NPSR1: variants seen among roughly 807,000 people sequenced by gnomAD.
The protein encoded by NPSR1 is neuropeptide S receptor 1, also known as neuropeptide S receptor.
In NPSR1, 48 loss-of-function variants were observed where a neutral mutation model predicts 46.9. The ratio of observed to expected loss-of-function variants is 1.02; its 90% CI spans 0.81 to 1.30. The LOEUF (loss-of-function observed/expected upper bound fraction) is 1.30, where lower values mean the gene tolerates loss of function less well. NPSR1 is among the 50% of genes most tolerant of loss of function. The pLI is 0.00. For missense variants in NPSR1, 450 were observed against 449.5 expected (o/e 1.00, Z -0.01); for synonymous variants, 176 against 168.1 (o/e 1.05, Z -0.36).
intron 1 of NPSR1, among the ~76,000 whole-genome samples, chr7:34,683,498 G>A (rs550430203): frequency 2.6e-5 from 4 of 151,722 alleles, no homozygotes; most frequent in East Asian, 1.9e-4. Context: ...TAGCATTCTC[G>A]CTTTTTTCTT....
intron 2 of NPSR1, chr7:34,719,755 C>T (rs770972992): frequency 5.9e-5 from 9 of 152,110 alleles, no homozygotes; most frequent in African/African-American, 1.7e-4. Context: ...ACTTCCAGTT[C>T]GAGACTCTGT....
At chr7:34,736,406 A>T (rs946085182) in intron 2 of NPSR1, among the ~76,000 whole-genome samples, 2 of 151,976 alleles carry the variant, frequency 1.3e-5, no homozygotes, top group Non-Finnish European at 2.9e-5. Flanking sequence ...TCATTTTTAT[A>T]AGTCTCTTTT....
intron 2 of NPSR1, chr7:34,723,293 G>A (rs1373462164): frequency 6.6e-6 from 1 of 152,578 alleles, no homozygotes; most frequent in East Asian, 1.9e-4. Flanking sequence ...CAATAGCAGA[G>A]TGATGTCCCA....
intron 8 of NPSR1, among the ~76,000 whole-genome samples, chr7:34,864,131 CAA>C (rs1388149368): frequency 2.6e-5 from 4 of 151,646 alleles, no homozygotes; most frequent in African/African-American, 9.8e-5. Flanking sequence ...AACAGAAAAC[CAA>C]ACACTGCATG....
At position 34,805,114 on chromosome 7, in the gene NPSR1, G is replaced by T. The variant is rs188935374; in HGVS notation, c.385-6656G>T. Among the ~76,000 whole-genome samples the T allele has an allele frequency of 2.3e-3, 350 of 152,002 alleles. 5 individuals are homozygous for T. Among genetic ancestry groups the T allele is most frequent in the Non-Finnish European group, 3.2e-3 (217 of 67,862 alleles). On this transcript the variant is annotated intron_variant, in intron 3 of 8. Transcript: ENST00000360581. ...TGTTAAGATGTCTATTCTGCCCAAC[G>T]TGATCTATAAATTCAATACAATTCC... is the stretch of plus-strand genomic sequence containing the variant.
At chr7:34,717,064 T>G (rs1177717726) in intron 2 of NPSR1, among the ~76,000 whole-genome samples, 1 of 152,354 alleles carries the variant, frequency 6.6e-6, no homozygotes, top group East Asian at 1.9e-4. Context: ...CCTAAAATTC[T>G]AGAAGATAGG....
intron 8 of NPSR1, among the ~76,000 whole-genome samples, chr7:34,872,336 G>A (rs985242512): frequency 3.3e-5 from 5 of 151,916 alleles, no homozygotes; most frequent in African/African-American, 1.2e-4. Flanking sequence ...TTTCTCCTAG[G>A]CCTTTGGACC....
intron 2 of NPSR1, among the ~76,000 whole-genome samples, chr7:34,714,171 T>G (rs749603221): frequency 1.3e-5 from 2 of 152,198 alleles, no homozygotes; most frequent in Non-Finnish European, 2.9e-5. Context: ...CTTGGGCCTC[T>G]CCAGAACTCC....
chr7:34,692,934 G>C (rs1173015631), intron 2 of NPSR1, among the ~76,000 whole-genome samples: 3 of 152,308 alleles, frequency 2.0e-5, no homozygotes, highest in Non-Finnish European at 4.4e-5. Flanking sequence ...ATCCCCCCGT[G>C]TTGGAGGTAG....
intron 3 of NPSR1, among the ~76,000 whole-genome samples, chr7:34,796,198 A>G (rs1225624690): frequency 3.3e-5 from 5 of 152,154 alleles, no homozygotes. Flanking sequence ...CACACGCCTA[A>G]TAATAAATCT....
chr7:34,869,099 G>C (rs1584159989), intron 8 of NPSR1, among the ~76,000 whole-genome samples: 1 of 151,628 alleles, frequency 6.6e-6, no homozygotes, highest in South Asian at 2.1e-4. Context: ...AAGGTTCTGG[G>C]GAAATGAGTC....
chr7:34,874,651 G>T (rs1791535627), intron 8 of NPSR1, among the ~76,000 whole-genome samples: 1 of 152,184 alleles, frequency 6.6e-6, no homozygotes, highest in Non-Finnish European at 1.5e-5. Flanking sequence ...GATCTTTGGA[G>T]CTTCTGGGTA....
At chr7:34,827,353 A>C in intron 4 of NPSR1, 48 bp from the exon 5 acceptor site, 2 of 1,567,728 alleles carry the variant, frequency 1.3e-6, no homozygotes, top group South Asian at 1.1e-5. Context: ...TTGTGCTCCC[A>C]AAAATGGTTG....
At chr7:34,827,643 C>CGGGGGGGGG in intron 5 of NPSR1, 41 bp downstream of exon 5, 2 of 405,056 alleles carry the variant, frequency 4.9e-6, no homozygotes, top group Non-Finnish European at 9.9e-6. Context: ...GGGGGTGGGG[C>CGGGGGGGGG]GGGGGGGGCT....
intron 4 of NPSR1, 141 bp from the exon 5 acceptor site, chr7:34,827,260 A>G (rs1332671648): frequency 7.7e-6 from 5 of 646,184 alleles, no homozygotes; most frequent in Non-Finnish European, 1.1e-5. Context: ...CCCTGTTTAC[A>G]GAGAAGGAAA....
intron 6 of NPSR1, among the ~76,000 whole-genome samples, chr7:34,838,011 G>A (rs958866598): frequency 6.6e-6 from 1 of 152,218 alleles, no homozygotes; most frequent in African/African-American, 2.4e-5. Flanking sequence ...CCAATTCCAT[G>A]GGTCTGACAT....
chr7:34,784,292 C>T (rs867719156), intron 3 of NPSR1, among the ~76,000 whole-genome samples: 141 of 152,212 alleles, frequency 9.3e-4, no homozygotes, highest in African/African-American at 3.2e-3. Context: ...CCAGTTTTTG[C>T]CCATTCAGTA....
At chr7:34,854,239 G>C (rs1358366361), downstream of NPSR1, among the ~76,000 whole-genome samples, 12 of 152,162 alleles carry the variant, frequency 7.9e-5, no homozygotes, top group Non-Finnish European at 1.6e-4. Context: ...AGCAAGAAAA[G>C]AGAGAAACAG....
chr7:34,872,705 ACTC>A (rs981420365), intron 8 of NPSR1, among the ~76,000 whole-genome samples: 1 of 151,298 alleles, frequency 6.6e-6, no homozygotes, highest in African/African-American at 2.5e-5. Context: ...GAGAGAGAGA[ACTC>A]CTCTTTATAA....
Sources: gnomAD v4.1 joint callset for allele counts (sites outside exome capture counted in the v4.1 genomes callset) on GRCh38, gnomAD v4.1.1 for gene constraint, MANE v1.5 for transcripts, NCBI Gene and HGNC (gene_info 2026-07-23, HGNC 2026-07-21) for gene names.